The following RFTN1 variants were observed in gnomAD, a reference collection of about 807,000 sequenced individuals.
The protein encoded by RFTN1 is raftlin.
In RFTN1, 26 loss-of-function variants were observed where a neutral mutation model predicts 46.5. That is an observed-to-expected ratio of 0.56 (90% confidence interval 0.41 to 0.78). RFTN1 has a LOEUF of 0.78. Ranked by LOEUF, RFTN1 falls within the 30% of genes least tolerant of loss-of-function variation. The pLI is 0.00. For missense variants in RFTN1, 693 were observed against 718.7 expected (o/e 0.96, Z 0.41); for synonymous variants, 261 against 284.2 (o/e 0.92, Z 0.82).
In RFTN1 at chr3:16,478,464, T is replaced by C. The variant is rs543528802; in HGVS notation, c.145+15261A>G. On this transcript the variant is annotated intron_variant, in intron 2 of 9. Transcript: ENST00000334133. ...AGAGTCTGTGCTCCCAACAACTCCATGATGTTGTCTCTCATATAGAAGCAA... is the reference window on the plus strand; with the variant it reads ...AGAGTCTGTGCTCCCAACAACTCCACGATGTTGTCTCTCATATAGAAGCAA... Among the ~76,000 whole-genome samples the C allele has an allele frequency of 1.1e-4, 17 of 152,366 alleles. No individual in the cohort carries two copies. The South Asian group carries it at 2.7e-3, about 24-fold the overall frequency.
At chr3:16,497,993 T>A (rs2076651219) in intron 1 of RFTN1, among the ~76,000 whole-genome samples, 1 of 152,084 alleles carries the variant, frequency 6.6e-6, no homozygotes, top group East Asian at 1.9e-4. Flanking sequence ...ACTCTTGTGA[T>A]TCACAAGAGT....
intron 6 of RFTN1, among the ~76,000 whole-genome samples, chr3:16,362,257 C>T (rs61336660): frequency 0.013 from 2,021 of 152,286 alleles, 58 homozygotes; most frequent in African/African-American, 0.046. Context: ...CTTCTTGTTT[C>T]CCATCCTGAG....
Position 16,473,961 on chromosome 3 carries a change from G to C in RFTN1, c.145+19764C>G, listed in dbSNP as rs962059189. 6.6e-6 allele frequency among the ~76,000 whole-genome samples: 1 copy of C among 152,068 alleles called. No homozygotes were observed. The highest frequency in any genetic ancestry group is 2.4e-5 in the African/African-American group (1 of 41,390). The stretch of plus-strand genomic sequence containing the variant: ...TTCCACACTGTTCTATCGTGCAGTT[G>C]CCCACCCAATATGGTGAACAACAGC... On this transcript the variant is annotated intron_variant, in intron 2 of 9. Transcript: ENST00000334133. This position sits in a 1 kb window ranked among gnomAD's most constrained non-coding sequence, Gnocchi z 5.3.
chr3:16,467,169 C>T (rs566051180), intron 2 of RFTN1, among the ~76,000 whole-genome samples: 40 of 152,044 alleles, frequency 2.6e-4, no homozygotes, highest in African/African-American at 9.6e-4. Context: ...GCCTGGGAAC[C>T]AGTGGGAGGA....
In RFTN1 at chr3:16,413,006, A is replaced by G. The variant is rs1348084901; in HGVS notation, c.333-3523T>C. Among the ~76,000 whole-genome samples, 1 of 151,300 alleles carries G rather than the reference A, an allele frequency of 6.6e-6. No homozygotes were observed. Among genetic ancestry groups the G allele is most frequent in the African/African-American group, 2.4e-5 (1 of 41,380 alleles). ...TACAGCCTGATAAAATTCTGAAGCAAAGAACCCTGATAAACTACAGAAACC... is the reference window on the plus strand; with the variant it reads ...TACAGCCTGATAAAATTCTGAAGCAGAGAACCCTGATAAACTACAGAAACC... On this transcript the variant is annotated intron_variant, in intron 3 of 9. Coordinates refer to ENST00000334133, the MANE Select transcript of RFTN1 (RefSeq NM_015150.2). The surrounding 1 kb of genome is among the most constrained non-coding windows in gnomAD (Gnocchi z 4.7).
At chr3:16,401,086 C>T (rs2074588968) in intron 4 of RFTN1, among the ~76,000 whole-genome samples, 1 of 152,074 alleles carries the variant, frequency 6.6e-6, no homozygotes, top group Admixed American at 6.6e-5. Flanking sequence ...CCAATGGGGG[C>T]CGATCGCTTG....
chr3:16,324,604 A>T (rs1386643745), intron 8 of RFTN1, among the ~76,000 whole-genome samples: 1 of 121,248 alleles, frequency 8.2e-6, no homozygotes, highest in Non-Finnish European at 1.7e-5. Flanking sequence ...AAATAACAGA[A>T]TGTCCCTGAC....
rs906719004 is a variant in RFTN1, at chr3:16,418,122, C to T, written c.333-8639G>A. Among the ~76,000 whole-genome samples the T allele has an allele frequency of 5.3e-5, 8 of 152,192 alleles. No individual in the cohort carries two copies. Among genetic ancestry groups the T allele is most frequent in the Non-Finnish European group, 1.2e-4 (8 of 68,034 alleles). On this transcript the variant is annotated intron_variant, in intron 3 of 9. Coordinates refer to ENST00000334133, the MANE Select transcript of RFTN1 (RefSeq NM_015150.2). This position sits in a 1 kb window ranked among gnomAD's most constrained non-coding sequence, Gnocchi z 5.0. ...CAAGTACTGCTAACACTTATGAGTGCTTTCAATATTGGTAATTATCACAGG... is the reference window on the plus strand; with the variant it reads ...CAAGTACTGCTAACACTTATGAGTGTTTTCAATATTGGTAATTATCACAGG...
chr3:16,345,825 C>T lies in RFTN1; in HGVS notation c.1146+12107G>A, dbSNP rs577555234. On this transcript the variant is annotated intron_variant, in intron 7 of 9. Coordinates refer to ENST00000334133, the MANE Select transcript of RFTN1 (RefSeq NM_015150.2). The surrounding 1 kb of genome is among the most constrained non-coding windows in gnomAD (Gnocchi z 5.2). ...GTGTGTGTGTGTGTGTGTGCGCGCG[C>T]GCGTGCGCGCACGCGCACATGTGCA... 0.37 allele frequency among the ~76,000 whole-genome samples: 32,113 copies of T among 86,514 alleles called. 3,841 individuals carry two copies. Among genetic ancestry groups the T allele is most frequent in the Middle Eastern group, 0.52 (87 of 168 alleles). The allele number at this position is 86,514 out of a possible 152,430, so 56.8% of individuals were successfully genotyped here. A position where few individuals can be genotyped will look rare whatever the true frequency, so the allele number is the denominator to read the frequency against.
chr3:16,497,658 G>A (rs1351569068), intron 1 of RFTN1, among the ~76,000 whole-genome samples: 1 of 152,172 alleles, frequency 6.6e-6, no homozygotes, highest in Non-Finnish European at 1.5e-5. Flanking sequence ...GAAGGAGCTT[G>A]TTCCTCAAAA....
chr3:16,326,682 A>C, intron 8 of RFTN1, 91 bp downstream of exon 8: 1 of 943,224 alleles, frequency 1.1e-6, no homozygotes. Flanking sequence ...CACAGGATTA[A>C]ATAATTTATA....
intron 4 of RFTN1, among the ~76,000 whole-genome samples, chr3:16,408,738 A>C (rs1359088979): frequency 6.8e-6 from 1 of 146,778 alleles, no homozygotes; most frequent in Non-Finnish European, 1.5e-5. Flanking sequence ...CTCAAATCAC[A>C]ATCACCTGTA....
At chr3:16,390,740 C>T (rs577670766) in intron 4 of RFTN1, among the ~76,000 whole-genome samples, 2 of 152,244 alleles carry the variant, frequency 1.3e-5, no homozygotes, top group East Asian at 1.9e-4. Flanking sequence ...GGCATCATAA[C>T]GAGAAGCTGT....
At chr3:16,323,201 G>C (rs559970853) in intron 9 of RFTN1, among the ~76,000 whole-genome samples, 175 bp downstream of exon 9, 2 of 152,260 alleles carry the variant, frequency 1.3e-5, no homozygotes, top group African/African-American at 4.8e-5. Flanking sequence ...AGTCCCCTCA[G>C]CTGTCCCGTT....
At position 16,480,998 on chromosome 3, in the gene RFTN1, GACACAC is replaced by G. The variant is rs34945684; in HGVS notation, c.145+12721_145+12726del. Among the ~76,000 whole-genome samples, 192 of 145,880 alleles carry G rather than the reference GACACAC, an allele frequency of 1.3e-3. No homozygotes were observed. The highest frequency in any genetic ancestry group is 4.5e-3 in the African/African-American group (176 of 39,308). The stretch of plus-strand genomic sequence containing the variant: ...ATATGCACATGCACACACACACACA[GACACAC>G]ACACACACACACACACACACACACA... On this transcript the variant is annotated intron_variant, in intron 2 of 9. Transcript: ENST00000334133. The surrounding 1 kb of genome is among the most constrained non-coding windows in gnomAD (Gnocchi z 4.3).
chr3:16,489,666 G>C lies in RFTN1; in HGVS notation c.145+4059C>G, dbSNP rs2076508424. On this transcript the variant is annotated intron_variant, in intron 2 of 9. Transcript: ENST00000334133. The surrounding 1 kb of genome is among the most constrained non-coding windows in gnomAD (Gnocchi z 4.0). ...CTCATGCCTGTAAGCCCAGCACTTT[G>C]GGAGGCCGAGGTGGGTGGACCACTT... is the stretch of plus-strand genomic sequence containing the variant. 6.6e-6 allele frequency among the ~76,000 whole-genome samples: 1 copy of C among 152,124 alleles called. No individual in the cohort carries two copies. Among genetic ancestry groups the C allele is most frequent in the African/African-American group, 2.4e-5 (1 of 41,422 alleles).
In RFTN1 at chr3:16,413,736, G is replaced by C. The variant is rs1353449678; in HGVS notation, c.333-4253C>G. Among the ~76,000 whole-genome samples, 1 of 152,204 alleles carries C rather than the reference G, an allele frequency of 6.6e-6. No individual in the cohort carries two copies. Among genetic ancestry groups the C allele is most frequent in the African/African-American group, 2.4e-5 (1 of 41,456 alleles). ...CAATTAAATAAAGACACTCTGAGGA[G>C]AGCATGACTAATAATAAAATATGCT... On this transcript the variant is annotated intron_variant, in intron 3 of 9. Coordinates refer to ENST00000334133, the MANE Select transcript of RFTN1 (RefSeq NM_015150.2). The surrounding 1 kb of genome is among the most constrained non-coding windows in gnomAD (Gnocchi z 4.7).
chr3:16,393,962 C>G (rs1476994238), intron 4 of RFTN1, among the ~76,000 whole-genome samples: 2 of 151,800 alleles, frequency 1.3e-5, no homozygotes, highest in African/African-American at 4.8e-5. Flanking sequence ...CCCGGCCAGA[C>G]TTTTTTTTAA....
At position 16,323,387 on chromosome 3, in the gene RFTN1, T is replaced by C. The variant is rs756365890; in HGVS notation, c.1321A>G (p.Lys441Glu). ...TCAAAGTCTCTTACCTTCGATTCCT[T>C]CTTCTTGATTTTCTGAGGTAGACAA... ...RPCLPQKIKK[K>E]ESKFQWRFSR... Residue 441 changes from lysine (K) to glutamate (E), a missense_variant, in exon 9 of 10, where the codon AAG (lysine) becomes GAG (glutamate). Coordinates refer to ENST00000334133, the MANE Select transcript of RFTN1 (RefSeq NM_015150.2). 2.7e-5 allele frequency: 44 copies of C among 1,608,622 alleles called. No individual in the cohort carries two copies. Among genetic ancestry groups the C allele is most frequent in the Non-Finnish European group, 3.1e-5 (36 of 1,175,274 alleles).
Sources: allele counts gnomAD v4.1 joint callset (sites outside exome capture counted in the v4.1 genomes callset), GRCh38; gene constraint gnomAD v4.1.1; non-coding constraint Gnocchi (gnomAD v3.1); transcripts MANE v1.5; gene names NCBI Gene and HGNC (gene_info 2026-07-23, HGNC 2026-07-21).